Variants in SNX30 observed in about 807,000 individuals in gnomAD.
The protein encoded by SNX30 is sorting nexin-30.
SNX30 carries 24 observed loss-of-function variants against 46.4 expected under a neutral mutation model. That is an observed-to-expected ratio of 0.52 (90% CI 0.37 to 0.73). SNX30 has a LOEUF of 0.73. Ranked by LOEUF, SNX30 falls within the 30% of genes least tolerant of loss-of-function variation. The probability of loss-of-function intolerance (pLI) is 0.00; values close to 1 mark genes in which losing one functional copy is unlikely to be tolerated. For missense variants in SNX30, 533 were observed against 555.7 expected, an observed-to-expected ratio of 0.96 and a Z score of 0.41; for synonymous variants, 189 against 211.5, an observed-to-expected ratio of 0.89 and a Z score of 0.92.
chr9:112,877,829 C>A, downstream of SNX30: 1 of 152,230 alleles, frequency 6.6e-6, no homozygotes, highest in South Asian at 2.1e-4. Context: ...GCGATCCTGT[C>A]GTTTTAGCCT....
At chr9:112,825,604 A>ATT (rs1840568774) in intron 3 of SNX30, among the ~76,000 whole-genome samples, 1 of 151,600 alleles carries the variant, frequency 6.6e-6, no homozygotes, top group African/African-American at 2.4e-5. Flanking sequence ...CCCCCAATCG[A>ATT]TTTTTTAAGA....
At position 112,870,108 on chromosome 9, in the gene SNX30, AATGACC is replaced by A. The variant is rs1368005680; in HGVS notation, c.*1267_*1272del. 4 of 152,168 alleles carry A rather than the reference AATGACC, an allele frequency of 2.6e-5. No homozygotes were observed. The highest frequency in any genetic ancestry group is 5.9e-5 in the Non-Finnish European group (4 of 68,018). 9.4% of individuals were successfully genotyped at this position (152,168 alleles called of 1,614,324 possible). On this transcript the variant is annotated 3_prime_UTR_variant, in exon 9 of 9. Coordinates refer to ENST00000374232, the MANE Select transcript of SNX30 (RefSeq NM_001012994.2). ...TGTGGTTACAGGCTGCATTTCAGAC[AATGACC>A]AGGTTTACTTTTCAGATCACAAAGC...
intron 7 of SNX30, among the ~76,000 whole-genome samples, chr9:112,851,584 C>T (rs1564291475): frequency 1.3e-5 from 2 of 152,154 alleles, no homozygotes; most frequent in Non-Finnish European, 2.9e-5. Context: ...TGTAACTGCT[C>T]GGTAGGTTCA....
At chr9:112,856,774 G>A (rs958349632) in intron 7 of SNX30, 8 of 152,084 alleles carry the variant, frequency 5.3e-5, no homozygotes, top group African/African-American at 9.7e-5. Context: ...GTGGGGCCTC[G>A]TGTCTGTTGT....
rs192181345 is a variant in SNX30 at position 112,762,887 on chromosome 9, G to A, written c.156+11730G>A. Among the ~76,000 whole-genome samples, 218 of 152,342 alleles carry A rather than the reference G, an allele frequency of 1.4e-3. 2 individuals carry two copies. The highest frequency in any genetic ancestry group is 4.8e-3 in the African/African-American group (201 of 41,580). On this transcript the variant is annotated intron_variant, in intron 1 of 8. Transcript: ENST00000374232. ...GGAGCCAGCATGGAGCACGAGCCTC[G>A]GTTATTCCCACTCCAGGTGAGGAAG...
rs1554748345 is a variant in SNX30 at position 112,768,647 on chromosome 9, C to CTTCTTCTTCTT, written c.156+17492_156+17493insCTTCTTCTTTT. On this transcript the variant is annotated intron_variant, in intron 1 of 8. Transcript: ENST00000374232. Reference sequence around the variant, plus strand: ...AAGTTTCTCTAGATAATTCTTTCTTCTTTTTTTTTTTTTTTTTTTTTTTTT... The same window carrying CTTCTTCTTCTT: ...AAGTTTCTCTAGATAATTCTTTCTTCTTCTTCTTCTTTTTTTTTTTTTTTTTTTTTTTTTTT... 8.4e-4 allele frequency among the ~76,000 whole-genome samples: 54 copies of CTTCTTCTTCTT among 64,358 alleles called. 4 individuals are homozygous for CTTCTTCTTCTT. Among genetic ancestry groups the CTTCTTCTTCTT allele is most frequent in the African/African-American group, 2.2e-3 (42 of 18,786 alleles). The allele number at this position is 64,358 out of a possible 152,430, so 42.2% of individuals were successfully genotyped here.
At chr9:112,759,606 G>A (rs1428976136) in intron 1 of SNX30, among the ~76,000 whole-genome samples, 1 of 152,098 alleles carries the variant, frequency 6.6e-6, no homozygotes, top group East Asian at 1.9e-4. Context: ...GCGCACACCT[G>A]TAGTCCCAGC....
At position 112,845,295 on chromosome 9, in the gene SNX30, G is replaced by A. The variant is rs115199848; in HGVS notation, c.1015-5564G>A. On this transcript the variant is annotated intron_variant, in intron 6 of 8. Transcript: ENST00000374232. ...TTAATAAGTACTTTAAATGACTCAA[G>A]CTGATTTTGAAACCGACTGTGGGGG... Among the ~76,000 whole-genome samples the A allele has an allele frequency of 7.2e-3, 1,100 of 152,302 alleles. 19 individuals are homozygous for A. Among genetic ancestry groups the A allele is most frequent in the African/African-American group, 0.025 (1,051 of 41,574 alleles).
intron 5 of SNX30, among the ~76,000 whole-genome samples, chr9:112,837,887 C>CTT (rs10713538): frequency 2.4e-4 from 17 of 71,120 alleles, no homozygotes; most frequent in African/African-American, 3.1e-4. Context: ...TGGTTCTTTT[C>CTT]TTTTTTTTTT....
At chr9:112,851,897 T>A (rs1841033880) in intron 7 of SNX30, among the ~76,000 whole-genome samples, 1 of 152,224 alleles carries the variant, frequency 6.6e-6, no homozygotes, top group African/African-American at 2.4e-5. Flanking sequence ...TACCACCTTT[T>A]TACATTTGTG....
chr9:112,833,290 T>C (rs1036532727), intron 4 of SNX30, among the ~76,000 whole-genome samples: 1 of 152,182 alleles, frequency 6.6e-6, no homozygotes, highest in African/African-American at 2.4e-5. Context: ...TGTTCTGCCT[T>C]AGGGAATGCA....
chr9:112,779,917 G>A (rs889472136), intron 1 of SNX30, among the ~76,000 whole-genome samples: 9 of 152,252 alleles, frequency 5.9e-5, no homozygotes, highest in Non-Finnish European at 1.2e-4. Context: ...AGCTGGTGAG[G>A]AGCAACGACA....
chr9:112,841,954 A>G (rs1840866414), intron 6 of SNX30, among the ~76,000 whole-genome samples: 1 of 152,022 alleles, frequency 6.6e-6, no homozygotes, highest in Non-Finnish European at 1.5e-5. Flanking sequence ...CCTGTTCTTT[A>G]TTTTTTGGAG....
chr9:112,797,711 C>CTTTTTTTTTTTT (rs71384277), intron 1 of SNX30, among the ~76,000 whole-genome samples: 7 of 121,338 alleles, frequency 5.8e-5, no homozygotes, highest in Non-Finnish European at 6.5e-5. Context: ...TTTTCTTTTT[C>CTTTTTTTTTTTT]TTTTTTTTTT....
At chr9:112,797,866 T>C (rs1840135812) in intron 1 of SNX30, among the ~76,000 whole-genome samples, 1 of 125,318 alleles carries the variant, frequency 8.0e-6, no homozygotes, top group South Asian at 2.8e-4. Flanking sequence ...GCCCAGCTAA[T>C]ATTGGTATTT....
chr9:112,866,091 T>G (rs1358839856), intron 8 of SNX30, among the ~76,000 whole-genome samples: 1 of 152,148 alleles, frequency 6.6e-6, no homozygotes, highest in Non-Finnish European at 1.5e-5. Flanking sequence ...TCTATACATA[T>G]TTAACAAATG....
chr9:112,836,099 C>T, intron 4 of SNX30, 115 bp from the exon 5 acceptor site: 2 of 1,010,304 alleles, frequency 2.0e-6, no homozygotes, highest in Non-Finnish European at 2.9e-6. Flanking sequence ...TAACTCAGCT[C>T]CTTGTTTCCC....
chr9:112,797,803 G>A (rs183595936), intron 1 of SNX30, among the ~76,000 whole-genome samples: 16 of 147,008 alleles, frequency 1.1e-4, no homozygotes, highest in Admixed American at 6.2e-4. Flanking sequence ...TCTGCCTGCC[G>A]GGGTTCAAGC....
At chr9:112,850,739 GGC>G in intron 6 of SNX30, 118 bp from the exon 7 acceptor site, 1 of 664,932 alleles carries the variant, frequency 1.5e-6, no homozygotes, top group Non-Finnish European at 2.7e-6. Flanking sequence ...AGGAGCACAT[GGC>G]TGGGCCTGGG....
Sources: gnomAD v4.1 joint callset for allele counts (sites outside exome capture counted in the v4.1 genomes callset) on GRCh38, gnomAD v4.1.1 for gene constraint, MANE v1.5 for transcripts, NCBI Gene and HGNC (gene_info 2026-07-23, HGNC 2026-07-21) for gene names.